The following IL1RAPL2 variants were observed in gnomAD, a reference collection of about 807,000 sequenced individuals.
IL1RAPL2 encodes interleukin 1 receptor accessory protein like 2.
A neutral mutation model predicts 44.1 loss-of-function variants in IL1RAPL2; 3 were observed. The ratio of observed to expected loss-of-function variants is 0.07; its 90% CI spans 0.03 to 0.18. IL1RAPL2 has a LOEUF of 0.18. Among genes scored for constraint, IL1RAPL2 ranks in the 10% least tolerant of loss-of-function variants. The pLI, the probability that IL1RAPL2 is intolerant of heterozygous loss-of-function variation, is 1.00. For synonymous variants in IL1RAPL2, 181 were observed against 178.8 expected, an observed-to-expected ratio of 1.01 and a Z score of -0.10; for missense variants, 391 against 496.4, an observed-to-expected ratio of 0.79 and a Z score of 2.02.
intron 2 of IL1RAPL2, among the ~76,000 whole-genome samples, chrX:105,051,427 T>C (rs73520232): frequency 0.067 from 7,523 of 112,824 alleles, 667 homozygotes; most frequent in African/African-American, 0.23. Context: ...GTCCCTGGCT[T>C]CTGCCTGGTC....
chrX:104,737,047 A>G (rs190825748), intron 2 of IL1RAPL2, among the ~76,000 whole-genome samples: 2 of 112,607 alleles, frequency 1.8e-5, no homozygotes, highest in Admixed American at 1.9e-4. Flanking sequence ...AAGAACAAGA[A>G]TTCTTTAAGT....
At chrX:105,110,977 C>T (rs947354524) in intron 2 of IL1RAPL2, among the ~76,000 whole-genome samples, 12 of 111,569 alleles carry the variant, frequency 1.1e-4, no homozygotes, top group Admixed American at 2.8e-4. Flanking sequence ...AAAAATAAAA[C>T]ATGGAGTGAC....
At chrX:105,226,162 TACAAGTATC>T (rs1183309152) in intron 3 of IL1RAPL2, among the ~76,000 whole-genome samples, 3 of 110,956 alleles carry the variant, frequency 2.7e-5, no homozygotes, top group Non-Finnish European at 5.7e-5. Context: ...CCAATACTTC[TACAAGTATC>T]ACCTGATCCT....
chrX:105,300,487 A>G (rs184102764), intron 5 of IL1RAPL2, among the ~76,000 whole-genome samples: 1 of 110,955 alleles, frequency 9.0e-6, no homozygotes, highest in African/African-American at 3.3e-5. Flanking sequence ...ATTCACCCCA[A>G]TGATCCAATT....
At chrX:104,619,568 C>T (rs1348053441) in intron 1 of IL1RAPL2, among the ~76,000 whole-genome samples, 1 of 111,984 alleles carries the variant, frequency 8.9e-6, no homozygotes, top group Non-Finnish European at 1.9e-5. Context: ...CATTTTCCTC[C>T]TTGAATTAAA....
At chrX:105,358,416 C>A (rs780938044) in intron 5 of IL1RAPL2, among the ~76,000 whole-genome samples, 101 of 107,374 alleles carry the variant, frequency 9.4e-4, no homozygotes, top group Non-Finnish European at 1.7e-3. Flanking sequence ...TGGCTCACGC[C>A]TGTAATCCCA....
chrX:105,655,794 G>T (rs1412874736), intron 6 of IL1RAPL2, among the ~76,000 whole-genome samples: 1 of 111,619 alleles, frequency 9.0e-6, no homozygotes, highest in Non-Finnish European at 1.9e-5. Flanking sequence ...GCAGTTATCA[G>T]GTTTTCTTGT....
intron 5 of IL1RAPL2, among the ~76,000 whole-genome samples, chrX:105,378,255 A>T: frequency 8.9e-6 from 1 of 112,075 alleles, no homozygotes; most frequent in Non-Finnish European, 1.9e-5. Context: ...TAGAAGGTAG[A>T]TTCTTGAAGT....
intron 6 of IL1RAPL2, among the ~76,000 whole-genome samples, chrX:105,707,940 A>G (rs1291198976): frequency 1.8e-5 from 2 of 110,886 alleles, no homozygotes; most frequent in Non-Finnish European, 3.8e-5. Context: ...TAAGTGAGCA[A>G]AAGTGGAGGG....
intron 1 of IL1RAPL2, among the ~76,000 whole-genome samples, chrX:104,572,017 A>G (rs758194679): frequency 1.8e-5 from 2 of 112,290 alleles, no homozygotes; most frequent in South Asian, 7.5e-4. Flanking sequence ...TTGGGTGTGC[A>G]TCACTCTAGG....
chrX:105,338,996 G>C (rs769230494), intron 5 of IL1RAPL2, among the ~76,000 whole-genome samples: 1 of 111,363 alleles, frequency 9.0e-6, no homozygotes, highest in Admixed American at 9.6e-5. Context: ...CCAGCTACTC[G>C]GGAGGCTGAG....
chrX:104,950,720 T>TG (rs1478352689), intron 2 of IL1RAPL2, among the ~76,000 whole-genome samples: 16 of 110,234 alleles, frequency 1.5e-4, no homozygotes, highest in South Asian at 3.8e-4. Flanking sequence ...TTTTTGTTTT[T>TG]TTTTTTGAGA....
At chrX:105,447,360 TA>T (rs2035972718) in intron 5 of IL1RAPL2, among the ~76,000 whole-genome samples, 12 of 66,643 alleles carry the variant, frequency 1.8e-4, no homozygotes, top group African/African-American at 7.0e-4. Flanking sequence ...TATATAAATA[TA>T]TAAATATAAA....
chrX:105,767,663 G>GA lies in IL1RAPL2; in HGVS notation c.*7dup. On this transcript the variant is annotated 3_prime_UTR_variant, in exon 11 of 11. Coordinates refer to ENST00000372582, the MANE Select transcript of IL1RAPL2 (RefSeq NM_017416.2). ...AGCTTTACCAGTGATATTTGGTAGT[G>GA]AAAAATCTGAATTCCTCTGAACAGC... 1 of 1,158,550 alleles carries GA rather than the reference G, an allele frequency of 8.6e-7. No homozygotes were observed. The highest frequency in any genetic ancestry group is 1.2e-6 in the Non-Finnish European group (1 of 849,834).
At chrX:104,974,255 A>G (rs1031609288) in intron 2 of IL1RAPL2, among the ~76,000 whole-genome samples, 1 of 112,203 alleles carries the variant, frequency 8.9e-6, no homozygotes, top group African/African-American at 3.2e-5. Context: ...ATGCAAAGGT[A>G]GTCACCATTT....
At chrX:105,221,565 C>T (rs1439712846) in intron 3 of IL1RAPL2, among the ~76,000 whole-genome samples, 2 of 111,847 alleles carry the variant, frequency 1.8e-5, no homozygotes, top group African/African-American at 6.5e-5. Context: ...TACAGCAAGG[C>T]ATTTGCCTTA....
chrX:105,347,328 C>T (rs2035118025), intron 5 of IL1RAPL2, among the ~76,000 whole-genome samples: 1 of 111,088 alleles, frequency 9.0e-6, no homozygotes, highest in African/African-American at 3.3e-5. Context: ...GTTATGTGAT[C>T]CTGAACAATG....
intron 2 of IL1RAPL2, among the ~76,000 whole-genome samples, chrX:104,952,094 T>A (rs1244933882): frequency 8.9e-6 from 1 of 111,866 alleles, no homozygotes; most frequent in Non-Finnish European, 1.9e-5. Context: ...TGTTGAAGAA[T>A]GTATGAGTTT....
chrX:104,838,808 C>CTCTTT (rs1292056089), intron 2 of IL1RAPL2, among the ~76,000 whole-genome samples: 1 of 103,839 alleles, frequency 9.6e-6, no homozygotes, highest in African/African-American at 3.5e-5. Flanking sequence ...TGCCTCTTTT[C>CTCTTT]TCTTTTCTTT....
Sources: gnomAD v4.1 joint callset for allele counts (sites outside exome capture counted in the v4.1 genomes callset) on GRCh38, gnomAD v4.1.1 for gene constraint, MANE v1.5 for transcripts, NCBI Gene and HGNC (gene_info 2026-07-23, HGNC 2026-07-21) for gene names.